Variants in PRKCH observed in about 807,000 individuals in gnomAD.
PRKCH encodes protein kinase C eta type.
Under a neutral mutation model 82.5 loss-of-function variants are expected in PRKCH, and 28 were observed. That is an observed-to-expected ratio of 0.34 (90% CI 0.25 to 0.47). The LOEUF is 0.47. Among genes scored for constraint, PRKCH ranks in the 20% least tolerant of loss-of-function variants. PRKCH has a pLI of 1.00. For missense variants in PRKCH, 705 were observed against 881.8 expected (o/e 0.80, Z 2.54); for synonymous variants, 322 against 327.4 (o/e 0.98, Z 0.18).
At chr14:61,417,620 G>A (rs1218489895) in intron 2 of PRKCH, among the ~76,000 whole-genome samples, 1 of 152,108 alleles carries the variant, frequency 6.6e-6, no homozygotes, top group Non-Finnish European at 1.5e-5. Context: ...GCATATGTTA[G>A]GCTTATTTTT....
At chr14:61,439,463 C>G (rs1056784993) in intron 2 of PRKCH, among the ~76,000 whole-genome samples, 2 of 152,162 alleles carry the variant, frequency 1.3e-5, no homozygotes, top group African/African-American at 4.8e-5. Context: ...GTTTTCTAAA[C>G]GAAGCACACG....
intron 10 of PRKCH, among the ~76,000 whole-genome samples, chr14:61,512,678 T>C (rs1173475829): frequency 6.6e-6 from 1 of 152,182 alleles, no homozygotes; most frequent in Non-Finnish European, 1.5e-5. Flanking sequence ...TCTTCCTGGC[T>C]GACCTTTTAA....
intron 2 of PRKCH, among the ~76,000 whole-genome samples, chr14:61,412,495 G>A (rs1384283013): frequency 6.6e-6 from 1 of 152,014 alleles, no homozygotes; most frequent in Non-Finnish European, 1.5e-5. Context: ...TATCTTCTCA[G>A]TGCTCTCTCT....
chr14:61,397,156 G>C (rs1248286429), intron 2 of PRKCH, among the ~76,000 whole-genome samples: 19 of 152,164 alleles, frequency 1.2e-4, no homozygotes, highest in Admixed American at 1.2e-3. Flanking sequence ...TAGGGGTGGA[G>C]AGGAGGGGGA....
upstream of PRKCH, among the ~76,000 whole-genome samples, chr14:61,321,325 G>A (rs1250823830): frequency 1.3e-5 from 2 of 152,194 alleles, no homozygotes; most frequent in Admixed American, 1.3e-4. The surrounding 1 kb of genome is among the most constrained non-coding windows in gnomAD (Gnocchi z 4.1). Context: ...CGCTCCCCAG[G>A]TCAGTCTACC....
chr14:61,339,622 CTTTTTTTTTTTT>C (rs757220300), intron 1 of PRKCH, among the ~76,000 whole-genome samples: 2 of 60,000 alleles, frequency 3.3e-5, no homozygotes, highest in African/African-American at 1.3e-4. Flanking sequence ...CAAGCCCGGC[CTTTTTTTTTTTT>C]TTTTTTTTTT....
chr14:61,228,125 A>G (rs2044712152), intron 1 of PRKCH, among the ~76,000 whole-genome samples: 1 of 152,180 alleles, frequency 6.6e-6, no homozygotes, highest in Non-Finnish European at 1.5e-5. Context: ...TTCATTCATT[A>G]TACAGTAGAG....
At chr14:61,284,337 CT>C (rs1293232762) in intron 1 of PRKCH, among the ~76,000 whole-genome samples, 1 of 152,090 alleles carries the variant, frequency 6.6e-6, no homozygotes, top group East Asian at 1.9e-4. Context: ...AGAGATGTGC[CT>C]TAGTAGTTAA....
upstream of PRKCH, among the ~76,000 whole-genome samples, chr14:61,318,862 A>G (rs1474609786): frequency 2.0e-5 from 3 of 151,726 alleles, no homozygotes; most frequent in African/African-American, 7.3e-5. Context: ...TAATTTTTTT[A>G]GTTTTTATTT....
intron 10 of PRKCH, among the ~76,000 whole-genome samples, chr14:61,506,369 G>T (rs190409112): frequency 3.3e-5 from 5 of 152,232 alleles, no homozygotes; most frequent in Admixed American, 3.3e-4. Flanking sequence ...CCTCACATCA[G>T]TGGGGTTGTG....
intron 2 of PRKCH, among the ~76,000 whole-genome samples, chr14:61,405,573 T>C (rs1459638380): frequency 4.6e-5 from 7 of 152,196 alleles, no homozygotes; most frequent in African/African-American, 1.7e-4. Context: ...AGATGGGGCT[T>C]CACCATGTTG....
At chr14:61,369,130 G>A (rs2046334352) in intron 1 of PRKCH, among the ~76,000 whole-genome samples, 2 of 152,200 alleles carry the variant, frequency 1.3e-5, no homozygotes, top group East Asian at 1.9e-4. Context: ...TTTTGAGCAG[G>A]TTTGTAACCA....
chr14:61,334,167 T>C (rs1346248848), intron 1 of PRKCH, among the ~76,000 whole-genome samples: 1 of 152,140 alleles, frequency 6.6e-6, no homozygotes, highest in Non-Finnish European at 1.5e-5. Context: ...GGCAGCAGGG[T>C]AGCCATCCAG....
intron 1 of PRKCH, among the ~76,000 whole-genome samples, chr14:61,217,612 A>AG (rs1305221574): frequency 6.6e-6 from 1 of 152,146 alleles, no homozygotes; most frequent in Non-Finnish European, 1.5e-5. Flanking sequence ...CAGCCTCAAC[A>AG]GGAACATCAT....
chr14:61,197,502 G>A (rs1036383497), intron 1 of PRKCH, among the ~76,000 whole-genome samples: 1 of 152,182 alleles, frequency 6.6e-6, no homozygotes, highest in Non-Finnish European at 1.5e-5. Flanking sequence ...GCAGTGCAGG[G>A]CATCACATGG....
rs558928772 is a variant in PRKCH at position 61,485,352 on chromosome 14, A to G, written c.1279-150A>G. 2.4e-3 allele frequency: 2,415 copies of G among 991,556 alleles called. 9 individuals carry two copies. The highest frequency in any genetic ancestry group is 3.2e-3 in the Non-Finnish European group (2,160 of 665,628). The allele number at this position is 991,556 out of a possible 1,614,324, so 61.4% of individuals were successfully genotyped here. ...GATCTAATCCCACCAGACCGGTTGC[A>G]CTGCACCCTGACCCATGGTCAGGAT... On this transcript the variant is annotated intron_variant, in intron 9 of 13. Transcript: ENST00000332981.
chr14:61,506,770 A>G (rs1456869340), intron 10 of PRKCH, among the ~76,000 whole-genome samples: 2 of 152,188 alleles, frequency 1.3e-5, no homozygotes, highest in African/African-American at 4.8e-5. Flanking sequence ...AAGCTCCTAC[A>G]GGCAGAGGCC....
At chr14:61,397,476 G>A (rs1410511151) in intron 2 of PRKCH, among the ~76,000 whole-genome samples, 1 of 152,232 alleles carries the variant, frequency 6.6e-6, no homozygotes, top group African/African-American at 2.4e-5. Flanking sequence ...GAGGCCCATT[G>A]AGAAGATTTA....
intron 10 of PRKCH, among the ~76,000 whole-genome samples, chr14:61,520,074 C>CAAAA (rs71992585): frequency 1.0e-4 from 10 of 97,404 alleles, no homozygotes; most frequent in African/African-American, 2.3e-4. Flanking sequence ...CTACAGAAAC[C>CAAAA]AAAAAAAAAA....
Sources: allele counts gnomAD v4.1 joint callset (sites outside exome capture counted in the v4.1 genomes callset), GRCh38; gene constraint gnomAD v4.1.1; non-coding constraint Gnocchi (gnomAD v3.1); transcripts MANE v1.5; gene names NCBI Gene and HGNC (gene_info 2026-07-23, HGNC 2026-07-21).